Variants in UBR2 observed in about 807,000 individuals in gnomAD.
UBR2 encodes E3 ubiquitin-protein ligase UBR2.
Under a neutral mutation model 247.9 loss-of-function variants are expected in UBR2, and 92 were observed. That is an observed-to-expected ratio of 0.37 (90% CI 0.31 to 0.44). The LOEUF (loss-of-function observed/expected upper bound fraction) is 0.44. Among genes scored for constraint, UBR2 ranks in the 20% least tolerant of loss-of-function variants. The pLI is 1.00. For synonymous variants in UBR2, 672 were observed against 693.5 expected (o/e 0.97, Z 0.49); for missense variants, 1,613 against 2,112.6 (o/e 0.76, Z 4.64).
intron 2 of UBR2, among the ~76,000 whole-genome samples, chr6:42,578,890 GA>G (rs1211674682): frequency 1.3e-5 from 2 of 152,048 alleles, no homozygotes; most frequent in Non-Finnish European, 2.9e-5. Context: ...TTGAACCCAG[GA>G]GAGGGAGGTT....
intron 8 of UBR2, among the ~76,000 whole-genome samples, chr6:42,614,375 T>TATATATGTATGCACGTACATACATAC (rs70990112): frequency 1.4e-5 from 1 of 69,752 alleles, no homozygotes; most frequent in African/African-American, 5.4e-5. Context: ...TGTGTATGTG[T>TATATATGTATGCACGTACATACATAC]GTATATATGT....
chr6:42,657,603 G>A (rs905401898), intron 26 of UBR2, among the ~76,000 whole-genome samples: 6 of 152,174 alleles, frequency 3.9e-5, no homozygotes, highest in African/African-American at 1.2e-4. Context: ...GAATTCCTAG[G>A]AGAAGAAATT....
intron 4 of UBR2, among the ~76,000 whole-genome samples, chr6:42,595,087 A>G (rs1291318530): frequency 6.6e-6 from 1 of 152,236 alleles, no homozygotes; most frequent in Non-Finnish European, 1.5e-5. Context: ...ATACATATAT[A>G]CAATGTGTAA....
intron 4 of UBR2, among the ~76,000 whole-genome samples, chr6:42,595,398 G>C (rs973250293): frequency 2.2e-4 from 34 of 152,124 alleles, no homozygotes; most frequent in African/African-American, 7.7e-4. Context: ...GTACACTCAA[G>C]TACGTCTACA....
Position 42,679,715 on chromosome 6 carries a change from C to T in UBR2, c.4610-9C>T. 1 of 1,595,034 alleles carries T rather than the reference C, an allele frequency of 6.3e-7. No individual in the cohort carries two copies. Among genetic ancestry groups the T allele is most frequent in the Non-Finnish European group, 8.6e-7 (1 of 1,163,320 alleles). On this transcript the variant is annotated splice_polypyrimidine_tract_variant and intron_variant, in intron 41 of 46. Transcript: ENST00000372901. ...TTATATGCACTCTTTTCTTGTTCTT[C>T]ATTTGCAGTTCCTGGAACAAGCCAT...
rs1799754981 is a variant in UBR2 at position 42,691,614 on chromosome 6, C to G, written c.*441C>G. The G allele has an allele frequency of 1.4e-5, 3 of 213,744 alleles. No individual in the cohort carries two copies. In the South Asian group the frequency reaches 2.1e-4, roughly 15 times the overall value. 13.2% of individuals were successfully genotyped at this position (213,744 alleles called of 1,614,324 possible). A position where few individuals can be genotyped will look rare whatever the true frequency, so the allele number is the denominator to read the frequency against. On this transcript the variant is annotated 3_prime_UTR_variant, in exon 47 of 47. Coordinates refer to ENST00000372901, the MANE Select transcript of UBR2 (RefSeq NM_001363705.2). The stretch of plus-strand genomic sequence containing the variant: ...CCAACACTGGGACTGGGTTGGTGTC[C>G]CCTCTGCTGACAGGACCCTACTCCT...
chr6:42,679,605 C>T (rs1215638824), intron 41 of UBR2, 119 bp from the exon 42 acceptor site: 9 of 731,622 alleles, frequency 1.2e-5, no homozygotes, highest in East Asian at 2.8e-5. Flanking sequence ...CTACAAGTTA[C>T]GTACCTGGCA....
intron 11 of UBR2, among the ~76,000 whole-genome samples, chr6:42,630,316 C>G (rs1156705793): frequency 1.3e-5 from 2 of 151,732 alleles, no homozygotes; most frequent in African/African-American, 4.8e-5. Context: ...TCCCGAGTAG[C>G]TGGGATTACA....
chr6:42,631,869 TATATATATATATATATATATAA>T (rs1293656057), intron 11 of UBR2, among the ~76,000 whole-genome samples: 2 of 35,606 alleles, frequency 5.6e-5, no homozygotes, highest in Admixed American at 3.2e-4. Flanking sequence ...TTTATATATA[TATATATATATATATATATATAA>T]ATACAGGTTC....
chr6:42,571,822 A>G (rs1791165147), intron 1 of UBR2, among the ~76,000 whole-genome samples: 1 of 151,826 alleles, frequency 6.6e-6, no homozygotes, highest in African/African-American at 2.4e-5. Context: ...GAAAAATGAG[A>G]CATTTACCTT....
Position 42,676,856 on chromosome 6 carries a change from TCAC to T in UBR2, c.4464_4466del (p.His1488del), listed in dbSNP as rs771757397. 40 of 1,613,700 alleles carry T rather than the reference TCAC, an allele frequency of 2.5e-5. No homozygotes were observed. The highest frequency in any genetic ancestry group is 1.7e-4 in the African/African-American group (13 of 74,934). On this transcript the variant is annotated inframe_deletion, in exon 40 of 47. Transcript: ENST00000372901. The stretch of plus-strand genomic sequence containing the variant: ...CAGTTCTTGCTTTGTATAAAACACT[TCAC>T]CAGTATACGGGAAGGTGAGTTAGTT...
At chr6:42,678,192 C>T (rs769983813) in intron 40 of UBR2, among the ~76,000 whole-genome samples, 1 of 151,956 alleles carries the variant, frequency 6.6e-6, no homozygotes, top group Non-Finnish European at 1.5e-5. Context: ...AAAAATTAGC[C>T]GGGCGTGGTG....
At chr6:42,666,341 C>A in intron 34 of UBR2, 96 bp downstream of exon 34, 1 of 1,024,286 alleles carries the variant, frequency 9.8e-7, no homozygotes, top group Non-Finnish European at 1.5e-6. Context: ...AGTGAGGGAG[C>A]AAAATGTTAT....
In UBR2 at chr6:42,573,739, G is replaced by A; in HGVS notation, c.84G>A (p.Trp28Ter). The A allele has an allele frequency of 1.3e-6, 2 of 1,513,606 alleles. No homozygotes were observed. Among genetic ancestry groups the A allele is most frequent in the Non-Finnish European group, 1.8e-6 (2 of 1,127,014 alleles). The allele number at this position is 1,513,606 out of a possible 1,614,324, so 93.8% of individuals were successfully genotyped here. ...TCTCTTTTCTTCTTTTAAAGAAATGGCTGCAAGCAACTGACCTCACTAGAG... is the reference window on the plus strand; with the variant it reads ...TCTCTTTTCTTCTTTTAAAGAAATGACTGCAAGCAACTGACCTCACTAGAG... ...ECSAEEIAGK[W>*]LQATDLTREV... Residue 28 changes from tryptophan (W) to a stop codon, truncating the protein, a stop_gained, in exon 2 of 47, where the codon TGG becomes TGA. Transcript: ENST00000372901. LOFTEE classifies it high-confidence loss of function.
chr6:42,673,765 T>C, intron 36 of UBR2, 26 bp from the exon 37 acceptor site: 1 of 1,589,036 alleles, frequency 6.3e-7, no homozygotes, highest in Non-Finnish European at 8.6e-7. Flanking sequence ...TTTTTGTTTT[T>C]TGTTAATTGC....
intron 2 of UBR2, among the ~76,000 whole-genome samples, chr6:42,579,425 G>T (rs1018769494): frequency 6.6e-6 from 1 of 152,166 alleles, no homozygotes; most frequent in African/African-American, 2.4e-5. Flanking sequence ...TTCAACATGA[G>T]ATTTAGAGGG....
chr6:42,680,936 G>T (rs1183394833), intron 42 of UBR2, among the ~76,000 whole-genome samples: 1 of 152,044 alleles, frequency 6.6e-6, no homozygotes, highest in African/African-American at 2.4e-5. Context: ...GGCCCAGACG[G>T]GCGGATCACG....
At chr6:42,617,297 G>C (rs757015626) in intron 10 of UBR2, 112 bp from the exon 11 acceptor site, 4 of 1,613,986 alleles carry the variant, frequency 2.5e-6, no homozygotes, top group East Asian at 4.5e-5. Context: ...AGCAGTGTCG[G>C]TGACTGCTCT....
intron 11 of UBR2, among the ~76,000 whole-genome samples, chr6:42,624,303 A>ATT (rs34628959): frequency 5.4e-4 from 74 of 138,124 alleles, no homozygotes; most frequent in East Asian, 1.7e-3. Context: ...CACTTGGCTA[A>ATT]TTTTTTTTTT....
Sources: gnomAD v4.1 joint callset for allele counts (sites outside exome capture counted in the v4.1 genomes callset) on GRCh38, gnomAD v4.1.1 for gene constraint, MANE v1.5 for transcripts, NCBI Gene and HGNC (gene_info 2026-07-23, HGNC 2026-07-21) for gene names.